The following CCDC102B variants were observed in gnomAD, a reference collection of about 807,000 sequenced individuals.
CCDC102B encodes the protein coiled-coil domain containing 102B, also known as coiled-coil domain-containing protein 102B.
Under a neutral mutation model 57.4 loss-of-function variants are expected in CCDC102B, and 75 were observed. That is an observed-to-expected ratio of 1.31 (90% CI 1.08 to 1.58). The LOEUF is 1.58. Among genes scored for constraint, CCDC102B ranks in the 40% most tolerant of loss-of-function variants. The probability of loss-of-function intolerance (pLI) is 0.00; values close to 1 mark genes in which losing one functional copy is unlikely to be tolerated. For missense variants in CCDC102B, 636 were observed against 582.6 expected (o/e 1.09, Z -0.94); for synonymous variants, 206 against 201.9 (o/e 1.02, Z -0.17).
At chr18:68,779,494 CCTTT>C (rs377356950) in intron 2 of CCDC102B, among the ~76,000 whole-genome samples, 2 of 152,010 alleles carry the variant, frequency 1.3e-5, no homozygotes, top group Non-Finnish European at 2.9e-5. Context: ...TAAAATCTCA[CCTTT>C]CTTTTGTATT....
chr18:69,017,995 C>CTGTGTG (rs61238979), intron 7 of CCDC102B, among the ~76,000 whole-genome samples: 3 of 149,506 alleles, frequency 2.0e-5, no homozygotes, highest in Admixed American at 6.7e-5. Flanking sequence ...CTAAATATTT[C>CTGTGTG]TGTGTGTGTG....
intron 3 of CCDC102B, 164 bp downstream of exon 3, chr18:68,839,090 T>G: frequency 1.5e-6 from 1 of 650,694 alleles, no homozygotes; most frequent in Admixed American, 2.8e-5. Context: ...ATGTTGAATT[T>G]TAAAATGTAG....
chr18:69,011,959 C>T (rs891156880), intron 7 of CCDC102B, among the ~76,000 whole-genome samples: 1 of 152,032 alleles, frequency 6.6e-6, no homozygotes, highest in Non-Finnish European at 1.5e-5. Context: ...AAAACAATTC[C>T]AATCAAGCAA....
chr18:69,018,696 G>A (rs2051740221), intron 7 of CCDC102B, among the ~76,000 whole-genome samples: 2 of 151,946 alleles, frequency 1.3e-5, no homozygotes, highest in South Asian at 4.1e-4. Flanking sequence ...TATATGGCTT[G>A]AAAAATGTTT....
chr18:68,972,672 A>C (rs982259985), intron 6 of CCDC102B, among the ~76,000 whole-genome samples: 13 of 152,198 alleles, frequency 8.5e-5, no homozygotes, highest in African/African-American at 3.1e-4. Context: ...GAGAGACATT[A>C]GGTATGAATA....
intron 6 of CCDC102B, chr18:68,900,387 A>G (rs1418392551): frequency 1.3e-5 from 2 of 152,194 alleles, no homozygotes; most frequent in Non-Finnish European, 2.9e-5. Context: ...ATGCTTGATC[A>G]TTAGAATGTA....
intron 6 of CCDC102B, among the ~76,000 whole-genome samples, chr18:68,920,994 A>G (rs2041257885): frequency 6.6e-6 from 1 of 152,138 alleles, no homozygotes; most frequent in African/African-American, 2.4e-5. Flanking sequence ...CACATGCCAA[A>G]GGTGGCATAA....
chr18:68,804,045 A>G (rs2035947345), intron 1 of CCDC102B, among the ~76,000 whole-genome samples: 1 of 152,240 alleles, frequency 6.6e-6, no homozygotes, highest in Non-Finnish European at 1.5e-5. Context: ...GCCAGATACC[A>G]TACAGTATTC....
At chr18:68,930,226 A>G (rs2041622229) in intron 6 of CCDC102B, among the ~76,000 whole-genome samples, 1 of 148,414 alleles carries the variant, frequency 6.7e-6, no homozygotes, top group South Asian at 2.1e-4. Context: ...TTATATAATT[A>G]TATATATTAT....
chr18:68,750,637 A>C (rs911505470), intron 2 of CCDC102B, among the ~76,000 whole-genome samples: 1 of 152,104 alleles, frequency 6.6e-6, no homozygotes, highest in Non-Finnish European at 1.5e-5. Context: ...CAATGAGTTC[A>C]TATCTTTGTA....
chr18:68,886,971 G>A (rs548839893), intron 5 of CCDC102B, among the ~76,000 whole-genome samples: 4 of 151,636 alleles, frequency 2.6e-5, no homozygotes, highest in Admixed American at 6.6e-5. Flanking sequence ...TGACTTATGA[G>A]GCAATCCCAT....
At chr18:68,770,584 C>A (rs2034608340) in intron 2 of CCDC102B, among the ~76,000 whole-genome samples, 1 of 152,146 alleles carries the variant, frequency 6.6e-6, no homozygotes, top group African/African-American at 2.4e-5. Context: ...AATAATTCAA[C>A]CTATGGTGAA....
At chr18:68,976,233 A>G (rs2050434905) in intron 6 of CCDC102B, among the ~76,000 whole-genome samples, 2 of 152,044 alleles carry the variant, frequency 1.3e-5, no homozygotes, top group African/African-American at 2.4e-5. Context: ...ATGAATTTTC[A>G]TAAATCTTAA....
chr18:68,918,771 C>T (rs1185766939), intron 6 of CCDC102B, among the ~76,000 whole-genome samples: 1 of 152,094 alleles, frequency 6.6e-6, no homozygotes, highest in African/African-American at 2.4e-5. Context: ...ATTTACATTG[C>T]ATTGGATTCA....
At chr18:68,925,207 A>G (rs373740389) in intron 6 of CCDC102B, among the ~76,000 whole-genome samples, 7 of 152,194 alleles carry the variant, frequency 4.6e-5, no homozygotes, top group African/African-American at 1.7e-4. Context: ...GTATAAAACT[A>G]TTCTTCGTTA....
At chr18:68,857,395 T>A (rs2038526104) in intron 4 of CCDC102B, among the ~76,000 whole-genome samples, 1 of 124,702 alleles carries the variant, frequency 8.0e-6, no homozygotes, top group South Asian at 2.2e-4. Flanking sequence ...ATTTATTATT[T>A]AAATATATAA....
intron 2 of CCDC102B, among the ~76,000 whole-genome samples, chr18:68,775,357 C>A (rs1460638590): frequency 6.6e-6 from 1 of 151,962 alleles, no homozygotes; most frequent in Non-Finnish European, 1.5e-5. Context: ...TATATAAGGT[C>A]ATTTTCAGTT....
intron 1 of CCDC102B, among the ~76,000 whole-genome samples, chr18:68,816,464 T>C (rs1042766226): frequency 2.9e-4 from 29 of 101,004 alleles, no homozygotes; most frequent in Non-Finnish European, 3.8e-4. Flanking sequence ...CCTTTCTTTT[T>C]TTTTTTTTTT....
intron 6 of CCDC102B, among the ~76,000 whole-genome samples, chr18:68,995,661 G>A (rs989197088): frequency 3.5e-4 from 54 of 152,202 alleles, no homozygotes; most frequent in African/African-American, 1.3e-3. Flanking sequence ...ATGCCTCAAT[G>A]TCCAAGCAGA....
Sources: gnomAD v4.1 joint callset for allele counts (sites outside exome capture counted in the v4.1 genomes callset) on GRCh38, gnomAD v4.1.1 for gene constraint, MANE v1.5 for transcripts, NCBI Gene and HGNC (gene_info 2026-07-23, HGNC 2026-07-21) for gene names.